The following MBNL1 variants were observed in gnomAD, a reference collection of about 807,000 sequenced individuals.
MBNL1 encodes muscleblind-like protein 1.
MBNL1 carries 8 observed loss-of-function variants against 42.2 expected under a neutral mutation model. That is an observed-to-expected ratio of 0.19 (90% CI 0.11 to 0.34). The LOEUF is 0.34. MBNL1 is among the 10% of genes least tolerant of loss of function. The pLI, the probability that MBNL1 is intolerant of heterozygous loss-of-function variation, is 1.00. For synonymous variants in MBNL1, 169 were observed against 173.9 expected (o/e 0.97, Z 0.22); for missense variants, 309 against 495.3 (o/e 0.62, Z 3.57).
At chr3:152,404,631 C>T (rs1215032324) in intron 2 of MBNL1, among the ~76,000 whole-genome samples, 1 of 151,690 alleles carries the variant, frequency 6.6e-6, no homozygotes, top group Non-Finnish European at 1.5e-5. Context: ...TTAAAACATA[C>T]CATCCTATAT....
chr3:152,387,644 T>G (rs1459267734), intron 2 of MBNL1, among the ~76,000 whole-genome samples: 1 of 152,158 alleles, frequency 6.6e-6, no homozygotes, highest in African/African-American at 2.4e-5. Context: ...ATTTTTGTCC[T>G]TTTCATCAGA....
chr3:152,335,317 G>A, intron 2 of MBNL1: 1 of 1,221,552 alleles, frequency 8.2e-7, no homozygotes, highest in Non-Finnish European at 1.1e-6. Flanking sequence ...TGACATCCAT[G>A]GGAAATGGCT....
intron 4 of MBNL1, among the ~76,000 whole-genome samples, chr3:152,438,198 G>A (rs1024296578): frequency 2.0e-5 from 3 of 152,094 alleles, no homozygotes; most frequent in South Asian, 4.1e-4. Flanking sequence ...TTTACTGAAC[G>A]ATATTCAGTA....
chr3:152,264,748 T>C (rs1413519112), upstream of MBNL1: 1 of 152,202 alleles, frequency 6.6e-6, no homozygotes, highest in East Asian at 1.9e-4. Flanking sequence ...AATAATGATA[T>C]TGAAGATACA....
At position 152,464,415 on chromosome 3, in the gene MBNL1, A is replaced by G. The variant is rs756734963; in HGVS notation, c.*2049A>G. On this transcript the variant is annotated 3_prime_UTR_variant, in exon 10 of 10. Transcript: ENST00000324210. ...CATTAAAAGAACAAAGATCTTTTAT[A>G]TGGATATCTTATAAATATATAATCA... 1.3e-5 allele frequency: 2 copies of G among 152,536 alleles called. No individual in the cohort carries two copies. Among genetic ancestry groups the G allele is most frequent in the Non-Finnish European group, 2.9e-5 (2 of 67,972 alleles). The allele number at this position is 152,536 out of a possible 1,614,324, so 9.4% of individuals were successfully genotyped here. A position where few individuals can be genotyped will look rare whatever the true frequency, so the allele number is the denominator to read the frequency against.
At chr3:152,425,569 C>G (rs1330212959) in intron 3 of MBNL1, among the ~76,000 whole-genome samples, 1 of 151,482 alleles carries the variant, frequency 6.6e-6, no homozygotes. Context: ...GATCACGCCA[C>G]TGCACTCCAG....
intron 9 of MBNL1, among the ~76,000 whole-genome samples, chr3:152,460,481 G>A (rs1020952321): frequency 8.3e-6 from 1 of 120,848 alleles, no homozygotes; most frequent in African/African-American, 3.1e-5. Flanking sequence ...GGGGGAGGGG[G>A]GAGGGATAGC....
chr3:152,277,628 A>T (rs1362758497), intron 1 of MBNL1, among the ~76,000 whole-genome samples: 2 of 152,150 alleles, frequency 1.3e-5, no homozygotes, highest in African/African-American at 4.8e-5. Flanking sequence ...GAGGATAGTT[A>T]TATTTCAAAT....
chr3:152,452,240 GT>G (rs1724714374), intron 6 of MBNL1, among the ~76,000 whole-genome samples: 1 of 152,194 alleles, frequency 6.6e-6, no homozygotes, highest in East Asian at 1.9e-4. Flanking sequence ...ATATATATGA[GT>G]TTTCACTCAT....
In MBNL1 at chr3:152,252,825, T is replaced by A. The variant is rs923695216; in HGVS notation, n.333+8385T>A. Among the ~76,000 whole-genome samples, 9 of 152,196 alleles carry A rather than the reference T, an allele frequency of 5.9e-5. No individual in the cohort carries two copies. The South Asian group carries it at 1.9e-3, about 31-fold the overall frequency. ...ATAAATATACATAGTCTATAAGAGC[T>A]AAAAAAATTTTCACTCTTTTATATG... On this transcript the variant is annotated intron_variant and non_coding_transcript_variant, in intron 2 of 2. Coordinates refer to the MBNL1 transcript ENST00000477171.
At chr3:152,278,617 T>C (rs1000006212) in intron 1 of MBNL1, among the ~76,000 whole-genome samples, 80 of 152,202 alleles carry the variant, frequency 5.3e-4, no homozygotes, top group African/African-American at 1.9e-3. Flanking sequence ...AAAGTAAATA[T>C]TTTATTGGGA....
At position 152,464,317 on chromosome 3, in the gene MBNL1, AAAT is replaced by A. The variant is rs1363887022; in HGVS notation, c.*1952_*1954del. The A allele has an allele frequency of 6.6e-6, 1 of 152,540 alleles. No homozygotes were observed. Among genetic ancestry groups the A allele is most frequent in the African/African-American group, 2.4e-5 (1 of 41,450 alleles). 9.4% of individuals were successfully genotyped at this position (152,540 alleles called of 1,614,324 possible). Reference sequence around the variant, plus strand: ...CACATGAATATTCGTATTGTTAACTAAATGATTTATATTTTACTGATTTAATAT... The same window carrying A: ...CACATGAATATTCGTATTGTTAACTAGATTTATATTTTACTGATTTAATAT... On this transcript the variant is annotated 3_prime_UTR_variant, in exon 10 of 10. Coordinates refer to ENST00000324210, the MANE Select transcript of MBNL1 (RefSeq NM_021038.5).
chr3:152,406,529 G>A (rs573112128), intron 2 of MBNL1, among the ~76,000 whole-genome samples: 2 of 152,248 alleles, frequency 1.3e-5, no homozygotes, highest in South Asian at 2.1e-4. Flanking sequence ...AGCCCTCTCA[G>A]TGGCAGCTAC....
intron 4 of MBNL1, among the ~76,000 whole-genome samples, chr3:152,434,324 A>T (rs1170917424): frequency 6.6e-6 from 1 of 152,160 alleles, no homozygotes; most frequent in East Asian, 1.9e-4. Flanking sequence ...CTGCTTCTGT[A>T]TTAGTTTGCT....
chr3:152,338,589 A>C, intron 2 of MBNL1: 1 of 985,198 alleles, frequency 1.0e-6, no homozygotes, highest in South Asian at 4.7e-5. Context: ...AGCCCCTAAG[A>C]CTCTGGGAGG....
chr3:152,329,963 A>G (rs888851066), intron 2 of MBNL1, among the ~76,000 whole-genome samples: 12 of 151,988 alleles, frequency 7.9e-5, no homozygotes, highest in African/African-American at 1.2e-4. Context: ...GTAACTGTCT[A>G]TATCATACAA....
intron 2 of MBNL1, among the ~76,000 whole-genome samples, chr3:152,252,984 G>A (rs560541000): frequency 2.0e-4 from 30 of 152,032 alleles, no homozygotes; most frequent in Non-Finnish European, 3.8e-4. Flanking sequence ...TTCATGTTCC[G>A]TTTTATCACT....
chr3:152,337,135 C>T (rs2090788645), intron 2 of MBNL1, among the ~76,000 whole-genome samples: 1 of 152,138 alleles, frequency 6.6e-6, no homozygotes. Context: ...GTCTTAGTAG[C>T]ACTCTTTTGT....
intron 2 of MBNL1, among the ~76,000 whole-genome samples, chr3:152,349,673 A>G (rs1254488736): frequency 1.3e-5 from 2 of 152,108 alleles, no homozygotes. Context: ...TAAACAATAA[A>G]ATTACATAGC....
Sources: gnomAD v4.1 joint callset for allele counts (sites outside exome capture counted in the v4.1 genomes callset) on GRCh38, gnomAD v4.1.1 for gene constraint, MANE v1.5 for transcripts, NCBI Gene and HGNC (gene_info 2026-07-23, HGNC 2026-07-21) for gene names.